Variants in CDH23 observed in about 807,000 individuals in gnomAD.
The protein encoded by CDH23 is cadherin-23.
A neutral mutation model predicts 317.1 loss-of-function variants in CDH23; 189 were observed. The ratio of observed to expected loss-of-function variants is 0.60; its 90% CI spans 0.53 to 0.67. The LOEUF (loss-of-function observed/expected upper bound fraction) is 0.67. Ranked by LOEUF, CDH23 falls within the 30% of genes least tolerant of loss-of-function variation. The pLI is 0.00. For synonymous variants in CDH23, 1,839 were observed against 1,876.8 expected (o/e 0.98, Z 0.52); for missense variants, 4,401 against 4,592.4 (o/e 0.96, Z 1.20).
intron 20 of CDH23, among the ~76,000 whole-genome samples, chr10:71,692,443 T>C (rs921763040): frequency 7.2e-5 from 11 of 152,224 alleles, no homozygotes; most frequent in African/African-American, 2.7e-4. Context: ...GAGGTGGCCT[T>C]AATTGGATCT....
chr10:71,526,907 A>G (rs1055666782), intron 6 of CDH23, among the ~76,000 whole-genome samples: 4 of 151,996 alleles, frequency 2.6e-5, no homozygotes, highest in Non-Finnish European at 5.9e-5. Context: ...ACCATGCTGC[A>G]CCTCTATTGA....
chr10:71,768,293 C>T (rs1214097262), intron 38 of CDH23, among the ~76,000 whole-genome samples: 2 of 152,296 alleles, frequency 1.3e-5, no homozygotes, highest in Middle Eastern at 3.4e-3. Flanking sequence ...GCCTCAGCCT[C>T]CCGAGTAGCT....
At chr10:71,718,425 G>A (rs1326641576) in intron 28 of CDH23, among the ~76,000 whole-genome samples, 2 of 151,832 alleles carry the variant, frequency 1.3e-5, no homozygotes, top group East Asian at 3.9e-4. Context: ...GTGCCTGGCT[G>A]GAAAGTGTGA....
At chr10:71,806,090 G>C in intron 56 of CDH23, 78 bp from the exon 57 acceptor site, 1 of 1,532,286 alleles carries the variant, frequency 6.5e-7, no homozygotes, top group Non-Finnish European at 8.8e-7. Context: ...AAGTCCCTAG[G>C]GGAACTGGCC....
intron 31 of CDH23, 24 bp from the exon 32 acceptor site, chr10:71,731,963 C>T: frequency 6.2e-7 from 1 of 1,607,178 alleles, no homozygotes; most frequent in Non-Finnish European, 8.5e-7. Flanking sequence ...TCTGGGACTG[C>T]ACAGCCTCTG....
chr10:71,797,502 C>T (rs1198533928), intron 49 of CDH23, among the ~76,000 whole-genome samples: 2 of 152,240 alleles, frequency 1.3e-5, no homozygotes, highest in East Asian at 1.9e-4. Context: ...TTGGTAGAGC[C>T]TGGAACAGAT....
chr10:71,598,389 A>C (rs1859998381), intron 9 of CDH23, among the ~76,000 whole-genome samples: 1 of 152,208 alleles, frequency 6.6e-6, no homozygotes, highest in African/African-American at 2.4e-5. Context: ...TCAAGCTTGC[A>C]AACACCCCAA....
At chr10:71,773,498 G>A (rs954812628) in intron 38 of CDH23, 5 of 1,503,446 alleles carry the variant, frequency 3.3e-6, no homozygotes, top group Non-Finnish European at 4.5e-6. Context: ...GACGCGGCCG[G>A]CGCGGGGAAG....
chr10:71,564,949 A>C (rs1857317018), intron 6 of CDH23, among the ~76,000 whole-genome samples: 1 of 152,278 alleles, frequency 6.6e-6, no homozygotes, highest in Non-Finnish European at 1.5e-5. Context: ...ATACCCACAA[A>C]ACAGTATCTT....
At chr10:71,580,582 A>C (rs1176250237) in intron 9 of CDH23, among the ~76,000 whole-genome samples, 1 of 152,260 alleles carries the variant, frequency 6.6e-6, no homozygotes, top group African/African-American at 2.4e-5. Context: ...TCATGAGTGC[A>C]GTATTCAATT....
intron 8 of CDH23, among the ~76,000 whole-genome samples, chr10:71,576,461 G>C (rs1369032089): frequency 6.6e-6 from 1 of 152,162 alleles, no homozygotes; most frequent in African/African-American, 2.4e-5. Context: ...CAAGAGCGCA[G>C]GGCATGCGTG....
intron 38 of CDH23, chr10:71,750,579 A>T (rs555844380): frequency 6.6e-6 from 1 of 152,532 alleles, no homozygotes; most frequent in South Asian, 2.1e-4. Flanking sequence ...CACGGAGGCC[A>T]CCATGCCCCA....
intron 3 of CDH23, among the ~76,000 whole-genome samples, chr10:71,498,969 G>A (rs79484699): frequency 0.017 from 2,604 of 152,236 alleles, 60 homozygotes; most frequent in African/African-American, 0.054. Flanking sequence ...TGCTTATTGC[G>A]GCACTATTTG....
Position 71,741,891 on chromosome 10 carries a change from T to A in CDH23, c.4815T>A (p.Thr1605=), listed in dbSNP as rs1283506520. The part of the protein sequence containing the change: ...ERQSFYHLVA[T]VEDEGTPTLS... ...AGAGCTTCTACCACCTGGTGGCCACTGTGGAGGACGAGGGCACCCCAACCC... is the reference window on the plus strand; with the variant it reads ...AGAGCTTCTACCACCTGGTGGCCACAGTGGAGGACGAGGGCACCCCAACCC... Residue 1605 remains threonine, a synonymous_variant, in exon 38 of 70, where the codon ACT becomes ACA. Transcript: ENST00000224721. 1.2e-6 allele frequency: 2 copies of A among 1,607,104 alleles called. No homozygotes were observed. Among genetic ancestry groups the A allele is most frequent in the Non-Finnish European group, 1.7e-6 (2 of 1,177,118 alleles).
chr10:71,800,856 C>T, intron 53 of CDH23, 101 bp downstream of exon 53: 4 of 1,467,296 alleles, frequency 2.7e-6, no homozygotes, highest in Non-Finnish European at 3.7e-6. Flanking sequence ...GGGAGCAGAG[C>T]CCCCCGGTCC....
chr10:71,719,021 C>A (rs1377956301), intron 28 of CDH23, among the ~76,000 whole-genome samples: 1 of 151,848 alleles, frequency 6.6e-6, no homozygotes, highest in Non-Finnish European at 1.5e-5. Flanking sequence ...GAGGCTACAG[C>A]GAGCTAGAAT....
intron 8 of CDH23, among the ~76,000 whole-genome samples, chr10:71,573,444 G>C (rs568237939): frequency 1.3e-4 from 20 of 152,310 alleles, no homozygotes; most frequent in Middle Eastern, 3.4e-3. Context: ...TGATGCGGCT[G>C]GTCCCATGTG....
At chr10:71,798,325 C>T (rs1340679890) in intron 49 of CDH23, 29 bp from the exon 50 acceptor site, 26 of 1,557,646 alleles carry the variant, frequency 1.7e-5, no homozygotes, top group Non-Finnish European at 2.3e-5. Context: ...TGTCCTTCCC[C>T]TCTCCCTCAC....
In CDH23 at chr10:71,428,881, C is replaced by T. The variant is rs532169636; in HGVS notation, c.-5-10946C>T. On this transcript the variant is annotated intron_variant, in intron 1 of 69. Transcript: ENST00000224721. ...CTGGGATTACAGGCCTGAGCCACCA[C>T]GCCTGGCTGGCCATTTGTATATCTT... is the stretch of plus-strand genomic sequence containing the variant. 3.9e-5 allele frequency among the ~76,000 whole-genome samples: 6 copies of T among 152,314 alleles called. No individual in the cohort carries two copies. The South Asian group carries it at 6.2e-4, about 16-fold the overall frequency.
Sources: allele counts gnomAD v4.1 joint callset (sites outside exome capture counted in the v4.1 genomes callset), GRCh38; gene constraint gnomAD v4.1.1; transcripts MANE v1.5; gene names NCBI Gene and HGNC (gene_info 2026-07-23, HGNC 2026-07-21).